The following PCED1B variants were observed in gnomAD, a reference collection of about 807,000 sequenced individuals.
PCED1B encodes the protein PC-esterase domain-containing protein 1B.
For synonymous variants in PCED1B, 251 were observed against 246.1 expected (o/e 1.02, Z -0.19); for missense variants, 573 against 573.9 (o/e 1.00, Z 0.02).
chr12:47,154,108 G>T (rs977200813), intron 2 of PCED1B, among the ~76,000 whole-genome samples: 3 of 152,322 alleles, frequency 2.0e-5, no homozygotes, highest in African/African-American at 7.2e-5. Flanking sequence ...ACTGCCCTTT[G>T]TTCCAAACCA....
At chr12:47,086,360 TAA>T (rs3045485) in intron 1 of PCED1B, among the ~76,000 whole-genome samples, 23,163 of 95,112 alleles carry the variant, frequency 0.24, 2,718 homozygotes, top group Admixed American at 0.41. Context: ...GTGCTTATGG[TAA>T]AAAAAAAAAA....
intron 2 of PCED1B, among the ~76,000 whole-genome samples, chr12:47,171,414 G>T (rs556792400): frequency 3.9e-5 from 6 of 152,098 alleles, no homozygotes; most frequent in African/African-American, 1.4e-4. Context: ...TTAATACTTT[G>T]GGTTCTAAGC....
intron 2 of PCED1B, among the ~76,000 whole-genome samples, chr12:47,192,624 T>C (rs968637138): frequency 1.3e-5 from 2 of 152,204 alleles, no homozygotes; most frequent in African/African-American, 4.8e-5. Context: ...GCCTGGATCC[T>C]GGTCCAGTCT....
chr12:47,215,660 G>A (rs1055654757), intron 2 of PCED1B, among the ~76,000 whole-genome samples: 1 of 152,340 alleles, frequency 6.6e-6, no homozygotes, highest in African/African-American at 2.4e-5. Context: ...CCACATACTG[G>A]ATCTAGCTGA....
At chr12:47,136,511 A>C (rs537937650) in intron 2 of PCED1B, among the ~76,000 whole-genome samples, 4 of 152,202 alleles carry the variant, frequency 2.6e-5, no homozygotes, top group Non-Finnish European at 4.4e-5. Flanking sequence ...GAGTGATCTT[A>C]GCTGGGAAAG....
chr12:47,177,528 T>C (rs1002278635), intron 2 of PCED1B, among the ~76,000 whole-genome samples: 2 of 152,164 alleles, frequency 1.3e-5, no homozygotes, highest in African/African-American at 2.4e-5. Flanking sequence ...ATGAGTTTGG[T>C]TGACAGAATG....
At chr12:47,173,233 C>T (rs752003369) in intron 2 of PCED1B, among the ~76,000 whole-genome samples, 4 of 152,060 alleles carry the variant, frequency 2.6e-5, no homozygotes, top group African/African-American at 7.2e-5. Context: ...GTAACTTTTT[C>T]GAAGTTCAGA....
At chr12:47,177,957 T>A (rs1363942201) in intron 2 of PCED1B, among the ~76,000 whole-genome samples, 1 of 151,848 alleles carries the variant, frequency 6.6e-6, no homozygotes, top group Non-Finnish European at 1.5e-5. Context: ...AAAAAAAAAG[T>A]TTGAGATTCT....
chr12:47,235,241 G>A lies in PCED1B; in HGVS notation c.178G>A (p.Glu60Lys), dbSNP rs768503264. 1 of 1,613,016 alleles carries A rather than the reference G, an allele frequency of 6.2e-7. No individual in the cohort carries two copies. Among genetic ancestry groups the A allele is most frequent in the South Asian group, 1.1e-5 (1 of 90,970 alleles). ...GGGGGAGCTGAACTTCGAACAAGAT[G>A]AGCTGGTGGACGGAGGCCAGCGGGG... ...ARGELNFEQD[E>K]LVDGGQRGHM... The change falls in exon 4 of 4, where the codon GAG becomes AAG. Residue 60 changes from glutamate to lysine, a missense_variant. Coordinates refer to ENST00000546455, the MANE Select transcript of PCED1B (RefSeq NM_138371.3).
intron 2 of PCED1B, among the ~76,000 whole-genome samples, chr12:47,130,824 G>C (rs1940093658): frequency 6.6e-6 from 1 of 152,110 alleles, no homozygotes; most frequent in Non-Finnish European, 1.5e-5. Context: ...ATTCTTAAGG[G>C]TTAAGATACA....
At chr12:47,112,058 G>A (rs533658393) in intron 2 of PCED1B, among the ~76,000 whole-genome samples, 30 of 152,316 alleles carry the variant, frequency 2.0e-4, no homozygotes, top group South Asian at 1.2e-3. Context: ...CAGCCCACGC[G>A]AGCTCTGTGC....
intron 2 of PCED1B, among the ~76,000 whole-genome samples, chr12:47,160,981 C>A (rs1284787346): frequency 6.6e-6 from 1 of 152,168 alleles, no homozygotes; most frequent in Non-Finnish European, 1.5e-5. Flanking sequence ...AGCCAGAATG[C>A]CCCTCAGGTT....
intron 1 of PCED1B, among the ~76,000 whole-genome samples, chr12:47,099,921 T>C (rs1938631807): frequency 6.6e-6 from 1 of 152,160 alleles, no homozygotes; most frequent in African/African-American, 2.4e-5. Context: ...GACTTTCCAA[T>C]GAAGACACAA....
In PCED1B at chr12:47,235,141, T is replaced by A. The variant is rs908578266; in HGVS notation, c.78T>A (p.His26Gln). 1.0e-5 allele frequency: 16 copies of A among 1,565,796 alleles called. No individual in the cohort carries two copies. The highest frequency in any genetic ancestry group is 1.4e-5 in the Non-Finnish European group (16 of 1,155,608). The change falls in exon 4 of 4, where the codon CAT becomes CAA. Residue 26 changes from histidine (H) to glutamine (Q), a missense_variant. By Grantham distance (24) the His-to-Gln change is conservative. Transcript: ENST00000546455. ...TGGTCATCCTGGGGGACTCTGTGCA[T>A]AGGGCAGTATACAAGGACCTGGTGC... ...KFVVILGDSV[H>Q]RAVYKDLVLL...
intron 3 of PCED1B, among the ~76,000 whole-genome samples, chr12:47,226,442 C>T (rs775650969): frequency 5.3e-5 from 8 of 152,058 alleles, no homozygotes; most frequent in East Asian, 1.9e-4. Context: ...GGTGGGATCT[C>T]GGCTCACTGC....
intron 3 of PCED1B, among the ~76,000 whole-genome samples, chr12:47,232,569 G>A (rs1250261689): frequency 1.3e-5 from 2 of 152,088 alleles, no homozygotes; most frequent in African/African-American, 2.4e-5. Flanking sequence ...AAGCCGCACC[G>A]GATTTTCAAG....
intron 2 of PCED1B, among the ~76,000 whole-genome samples, chr12:47,142,176 A>G (rs1158616977): frequency 6.6e-6 from 1 of 152,170 alleles, no homozygotes; most frequent in Non-Finnish European, 1.5e-5. Flanking sequence ...CAAGGACCAG[A>G]GAGGATCCGT....
intron 1 of PCED1B, among the ~76,000 whole-genome samples, chr12:47,085,659 G>A (rs1937944601): frequency 6.6e-6 from 1 of 152,098 alleles, no homozygotes; most frequent in Non-Finnish European, 1.5e-5. Context: ...AAATATATAT[G>A]TATGTTAATT....
intron 1 of PCED1B, among the ~76,000 whole-genome samples, chr12:47,089,519 T>G (rs1938172814): frequency 7.2e-6 from 1 of 138,338 alleles, no homozygotes; most frequent in Admixed American, 7.7e-5. Context: ...CATACCTACC[T>G]ATCTGGCATT....
Sources: gnomAD v4.1 joint callset for allele counts (sites outside exome capture counted in the v4.1 genomes callset) on GRCh38, gnomAD v4.1.1 for gene constraint, MANE v1.5 for transcripts, NCBI Gene and HGNC (gene_info 2026-07-23, HGNC 2026-07-21) for gene names.